Variants in PKHD1 observed in about 807,000 individuals in gnomAD.
PKHD1 encodes the protein PKHD1 ciliary IPT domain containing fibrocystin/polyductin.
A neutral mutation model predicts 412.0 loss-of-function variants in PKHD1; 291 were observed. The observed-to-expected ratio is 0.71, with a 90% confidence interval of 0.64 to 0.78. The LOEUF is 0.78. Among genes scored for constraint, PKHD1 ranks in the 30% least tolerant of loss-of-function variants. PKHD1 has a pLI of 0.00. For missense variants in PKHD1, 4,825 were observed against 4,950.7 expected (o/e 0.97, Z 0.76); for synonymous variants, 1,777 against 1,821.5 (o/e 0.98, Z 0.62).
chr6:51,669,188 G>A (rs9367444), intron 60 of PKHD1, among the ~76,000 whole-genome samples: 3 of 151,876 alleles, frequency 2.0e-5, no homozygotes, highest in Non-Finnish European at 2.9e-5. Flanking sequence ...GACTCTTTTT[G>A]GTTGGTAAGC....
chr6:51,976,825 G>A (rs1035998983), intron 35 of PKHD1, among the ~76,000 whole-genome samples: 2 of 151,546 alleles, frequency 1.3e-5, no homozygotes, highest in East Asian at 3.9e-4. Context: ...GCACATGCCT[G>A]TAGTCCCAGC....
chr6:51,720,049 G>A (rs1781722193), intron 60 of PKHD1, among the ~76,000 whole-genome samples: 1 of 152,064 alleles, frequency 6.6e-6, no homozygotes, highest in African/African-American at 2.4e-5. Flanking sequence ...ATGGAGGCAG[G>A]GTAAAGGGGG....
chr6:52,083,070 C>T (rs1163237225), intron 3 of PKHD1, 108 bp downstream of exon 3: 1 of 808,922 alleles, frequency 1.2e-6, no homozygotes, highest in Non-Finnish European at 2.2e-6. Context: ...TCCCTTCAGG[C>T]CCACTTTTAC....
At chr6:51,852,016 T>A (rs747946663) in intron 49 of PKHD1, among the ~76,000 whole-genome samples, 1 of 152,238 alleles carries the variant, frequency 6.6e-6, no homozygotes, top group Non-Finnish European at 1.5e-5. Context: ...ATTTGAGATC[T>A]TTCTAGCTTT....
At chr6:51,881,246 T>G (rs1421613654) in intron 46 of PKHD1, among the ~76,000 whole-genome samples, 1 of 152,078 alleles carries the variant, frequency 6.6e-6, no homozygotes, top group Non-Finnish European at 1.5e-5. Context: ...CAATGAATTT[T>G]ATTCTGTATA....
At chr6:51,910,681 A>G (rs967214863) in intron 39 of PKHD1, among the ~76,000 whole-genome samples, 1 of 152,194 alleles carries the variant, frequency 6.6e-6, no homozygotes, top group Non-Finnish European at 1.5e-5. Flanking sequence ...TTGGCAAAAT[A>G]TGATCTCAGA....
At position 51,616,694 on chromosome 6, in the gene PKHD1, C is replaced by T. The variant is rs1198191277; in HGVS notation, c.*2387G>A. 2.5e-6 allele frequency: 1 copy of T among 398,396 alleles called. No individual in the cohort carries two copies. The highest frequency in any genetic ancestry group is 4.4e-6 in the Non-Finnish European group (1 of 225,948). The allele number at this position is 398,396 out of a possible 1,614,324, so 24.7% of individuals were successfully genotyped here. On this transcript the variant is annotated 3_prime_UTR_variant, in exon 67 of 67. Transcript: ENST00000371117. ...CAATTCTGGCCTCAGGGATCACAGG[C>T]TTTTCTGGGATGGAATTAGTAAGAT...
In PKHD1 at chr6:51,887,514, C is replaced by T. The variant is rs772466134; in HGVS notation, c.6997-269G>A. ...GGCCTGGTGGGAGGTGACTGGATCA[C>T]GGGGTCAGTTTCTCGTGAATGGTTT... On this transcript the variant is annotated intron_variant, in intron 43 of 66. Coordinates refer to ENST00000371117, the MANE Select transcript of PKHD1 (RefSeq NM_138694.4). 5.9e-5 allele frequency among the ~76,000 whole-genome samples: 9 copies of T among 152,244 alleles called. No homozygotes were observed. In the South Asian group the frequency reaches 1.0e-3, roughly 18 times the overall value.
At chr6:51,936,382 T>G (rs979086712) in intron 36 of PKHD1, among the ~76,000 whole-genome samples, 5 of 152,042 alleles carry the variant, frequency 3.3e-5, no homozygotes, top group African/African-American at 1.2e-4. Context: ...CAGATTCTAC[T>G]ATAATAAGAA....
chr6:51,814,795 T>C (rs1765195895), intron 52 of PKHD1, among the ~76,000 whole-genome samples: 1 of 152,072 alleles, frequency 6.6e-6, no homozygotes, highest in Non-Finnish European at 1.5e-5. Context: ...AGACAGGAAA[T>C]GAGAGGTGCC....
chr6:51,841,712 C>T (rs1055711055), intron 50 of PKHD1, among the ~76,000 whole-genome samples: 5 of 152,206 alleles, frequency 3.3e-5, no homozygotes, highest in Admixed American at 2.0e-4. Context: ...TTCCGCTCTG[C>T]CTACAAAATC....
chr6:51,852,476 G>A (rs1188627052), intron 49 of PKHD1, among the ~76,000 whole-genome samples: 2 of 152,146 alleles, frequency 1.3e-5, no homozygotes, highest in Non-Finnish European at 2.9e-5. Context: ...CTGTCTCATT[G>A]ATCTGTCTAA....
intron 35 of PKHD1, among the ~76,000 whole-genome samples, chr6:51,993,764 C>G (rs74715393): frequency 6.6e-6 from 1 of 152,036 alleles, no homozygotes; most frequent in East Asian, 1.9e-4. Context: ...ATAGTCAATT[C>G]GATAGTTTAG....
At chr6:51,626,353 C>T (rs982726402) in intron 66 of PKHD1, among the ~76,000 whole-genome samples, 14 of 152,176 alleles carry the variant, frequency 9.2e-5, no homozygotes, top group Admixed American at 3.3e-4. Flanking sequence ...TTGGCAAAGC[C>T]ATCTTGTGCT....
intron 35 of PKHD1, among the ~76,000 whole-genome samples, chr6:51,975,149 T>G (rs1448030598): frequency 6.6e-6 from 1 of 151,880 alleles, no homozygotes. Context: ...AATTGAATTT[T>G]AAAGATAGAA....
At chr6:51,680,553 T>A (rs1423064093) in intron 60 of PKHD1, among the ~76,000 whole-genome samples, 3 of 152,094 alleles carry the variant, frequency 2.0e-5, no homozygotes. Context: ...TGGTTTTGTT[T>A]TTAATTTAAT....
chr6:51,839,068 G>A (rs1018247093), intron 50 of PKHD1, among the ~76,000 whole-genome samples: 6 of 152,272 alleles, frequency 3.9e-5, no homozygotes, highest in South Asian at 2.1e-4. Flanking sequence ...ATCTAATCAT[G>A]ATGAGCTGTA....
At position 51,967,306 on chromosome 6, in the gene PKHD1, GA is replaced by G. The variant is rs536074566; in HGVS notation, c.5752-7281del. ...AGAAGCAACATGGCCCACAAAGCCT[GA>G]AATATTTACTATCTGGCTCTTTATA... On this transcript the variant is annotated intron_variant, in intron 35 of 66. Coordinates refer to ENST00000371117, the MANE Select transcript of PKHD1 (RefSeq NM_138694.4). 2.4e-4 allele frequency among the ~76,000 whole-genome samples: 36 copies of G among 152,204 alleles called. 1 individual carries two copies. Among genetic ancestry groups the G allele is most frequent in the African/African-American group, 6.7e-4 (28 of 41,552 alleles).
At chr6:51,917,858 A>C (rs977098083) in intron 37 of PKHD1, among the ~76,000 whole-genome samples, 17 of 152,202 alleles carry the variant, frequency 1.1e-4, no homozygotes, top group African/African-American at 3.9e-4. Context: ...TTATTTGGAA[A>C]CCACTAAATG....
Sources: gnomAD v4.1 joint callset for allele counts (sites outside exome capture counted in the v4.1 genomes callset) on GRCh38, gnomAD v4.1.1 for gene constraint, MANE v1.5 for transcripts, NCBI Gene and HGNC (gene_info 2026-07-23, HGNC 2026-07-21) for gene names.